DHX15: variants seen among roughly 807,000 people sequenced by gnomAD.
The protein encoded by DHX15 is ATP-dependent RNA helicase DHX15.
In DHX15, 11 loss-of-function variants were observed where a neutral mutation model predicts 94.4. The observed-to-expected ratio is 0.12, with a 90% CI of 0.07 to 0.19. The LOEUF is 0.19. Among genes scored for constraint, DHX15 ranks in the 10% least tolerant of loss-of-function variants. The pLI is 1.00. For synonymous variants in DHX15, 338 were observed against 329.9 expected (o/e 1.02, Z -0.27); for missense variants, 304 against 988.5 (o/e 0.31, Z 9.29).
intron 2 of DHX15, among the ~76,000 whole-genome samples, chr4:24,572,220 AACC>A (rs1266933954): frequency 1.3e-5 from 2 of 152,108 alleles, no homozygotes; most frequent in East Asian, 1.9e-4. Context: ...GGCTCACTGT[AACC>A]ACCAAGGTTC....
chr4:24,532,855 T>G lies in DHX15; in HGVS notation c.2100+9A>C, dbSNP rs776895895. Reference sequence around the variant, plus strand: ...TACTTAGTTATTCATTCCCATATTATCTACATACCTGCATAAAATACCCAG... The same window carrying G: ...TACTTAGTTATTCATTCCCATATTAGCTACATACCTGCATAAAATACCCAG... On this transcript the variant is annotated intron_variant, in intron 12 of 13. Transcript: ENST00000336812. 94 of 1,565,466 alleles carry G rather than the reference T, an allele frequency of 6.0e-5. 1 individual carries two copies. Among genetic ancestry groups the G allele is most frequent in the Non-Finnish European group, 8.1e-5 (93 of 1,150,682 alleles).
chr4:24,571,521 A>G (rs1366452522), intron 2 of DHX15, among the ~76,000 whole-genome samples: 1 of 152,192 alleles, frequency 6.6e-6, no homozygotes, highest in South Asian at 2.1e-4. Context: ...ACGGCAGTAC[A>G]TTTTCCCCCA....
chr4:24,583,484 A>C (rs1260833841), intron 1 of DHX15, among the ~76,000 whole-genome samples: 1 of 151,760 alleles, frequency 6.6e-6, no homozygotes, highest in Admixed American at 6.6e-5. Context: ...AAAAAAAAAA[A>C]CAATGCCTTC....
At position 24,554,820 on chromosome 4, in the gene DHX15, T is replaced by G. The variant is rs1457939751; in HGVS notation, c.985A>C (p.Arg329=). ...VEIFYTPEPE[R]DYLEAAIRTV... The stretch of plus-strand genomic sequence containing the variant: ...CGAATTGCTGCTTCAAGATAATCTC[T>G]CTCTGGTTCTGGAGTATAGAAGATC... Residue 329 remains arginine, a synonymous_variant, in exon 5 of 14, where the codon AGA becomes CGA. Transcript: ENST00000336812. 5 of 1,613,824 alleles carry G rather than the reference T, an allele frequency of 3.1e-6. No individual in the cohort carries two copies. Among genetic ancestry groups the G allele is most frequent in the Non-Finnish European group, 4.2e-6 (5 of 1,179,874 alleles).
intron 3 of DHX15, among the ~76,000 whole-genome samples, chr4:24,570,086 T>G (rs144338424): frequency 6.6e-6 from 1 of 152,224 alleles, no homozygotes; most frequent in African/African-American, 2.4e-5. Flanking sequence ...AAAAAGTTGG[T>G]AGAGTTAAAA....
chr4:24,553,569 T>C (rs1721658085), intron 5 of DHX15, among the ~76,000 whole-genome samples: 1 of 149,212 alleles, frequency 6.7e-6, no homozygotes, highest in South Asian at 2.2e-4. Flanking sequence ...AGGTCAGGAG[T>C]TCGAGACTAG....
chr4:24,563,738 G>A (rs1035412212), intron 3 of DHX15, among the ~76,000 whole-genome samples: 4 of 152,104 alleles, frequency 2.6e-5, no homozygotes, highest in Non-Finnish European at 4.4e-5. Flanking sequence ...TCGTATTTGT[G>A]GAAGCTAGAC....
intron 2 of DHX15, among the ~76,000 whole-genome samples, chr4:24,574,205 C>CAAAAAAAAAAAAAAAAAAAAAAAA (rs61031930): frequency 1.9e-4 from 13 of 68,872 alleles, no homozygotes; most frequent in East Asian, 1.1e-3. Context: ...GACTTTGTCT[C>CAAAAAAAAAAAAAAAAAAAAAAAA]AAAAAAAAAA....
Position 24,527,943 on chromosome 4 carries a change from T to C in DHX15, c.2369A>G (p.Lys790Arg), listed in dbSNP as rs750583373. The change falls in exon 14 of 14, where the codon AAG (lysine) becomes AGG (arginine). Residue 790 changes from lysine to arginine, a missense_variant. Lys to Arg is a conservative substitution (Grantham distance 26). Transcript: ENST00000336812. ...LDRIIAKLQS[K>R]EYSQY is the part of the protein sequence containing the mutation. Reference sequence around the variant, plus strand: ...CTGAATTCAGTACTGTGAATATTCCTTGGATTGAAGTTTGGCAATGATGCG... The same window carrying C: ...CTGAATTCAGTACTGTGAATATTCCCTGGATTGAAGTTTGGCAATGATGCG... 6.2e-7 allele frequency: 1 copy of C among 1,612,736 alleles called. No homozygotes were observed. Among genetic ancestry groups the C allele is most frequent in the Admixed American group, 1.7e-5 (1 of 60,026 alleles).
Position 24,540,922 on chromosome 4 carries a change from A to G in DHX15, c.1512T>C (p.Arg504=). 6.2e-7 allele frequency: 1 copy of G among 1,607,594 alleles called. No individual in the cohort carries two copies. Among genetic ancestry groups the G allele is most frequent in the Non-Finnish European group, 8.5e-7 (1 of 1,175,688 alleles). ...MQDNTYPEIL[R]SNLGSVVLQL... The stretch of plus-strand genomic sequence containing the variant: ...GTAACACAACTGATCCTAAATTAGA[A>G]CGCAAAATCTCAGGATAGGTGTTAT... The change falls in exon 9 of 14, where the codon CGT becomes CGC. Residue 504 remains arginine, a synonymous_variant. Transcript: ENST00000336812.
At chr4:24,544,671 T>C (rs1305709146) in intron 6 of DHX15, among the ~76,000 whole-genome samples, 4 of 152,196 alleles carry the variant, frequency 2.6e-5, no homozygotes, top group African/African-American at 9.7e-5. Context: ...CTGGCAGACC[T>C]AGCAATCAAA....
intron 3 of DHX15, among the ~76,000 whole-genome samples, chr4:24,560,105 T>G (rs1017123705): frequency 1.3e-5 from 2 of 152,122 alleles, no homozygotes; most frequent in African/African-American, 4.8e-5. Context: ...ACAAGCCAAC[T>G]GCCAACTATG....
intron 5 of DHX15, among the ~76,000 whole-genome samples, chr4:24,550,237 T>C (rs1161078193): frequency 6.6e-6 from 1 of 151,996 alleles, no homozygotes; most frequent in East Asian, 1.9e-4. Flanking sequence ...GGACATTCTG[T>C]ACAGAACTGT....
chr4:24,558,092 T>C (rs1721778841), intron 3 of DHX15, among the ~76,000 whole-genome samples: 2 of 152,102 alleles, frequency 1.3e-5, no homozygotes, highest in Admixed American at 1.3e-4. Context: ...CATTTCAACA[T>C]GGAATCATAG....
intron 4 of DHX15, 114 bp downstream of exon 4, chr4:24,556,137 G>A: frequency 1.3e-6 from 1 of 796,970 alleles, no homozygotes; most frequent in Non-Finnish European, 1.9e-6. Context: ...GTACTTACTA[G>A]TTCCTTCTTT....
intron 3 of DHX15, among the ~76,000 whole-genome samples, chr4:24,568,350 GTAA>G (rs1442527102): frequency 6.6e-6 from 1 of 152,074 alleles, no homozygotes; most frequent in African/African-American, 2.4e-5. Context: ...CTAACTTATT[GTAA>G]TAATACACTC....
chr4:24,581,752 C>A (rs965269410), intron 1 of DHX15, among the ~76,000 whole-genome samples: 4 of 152,066 alleles, frequency 2.6e-5, no homozygotes, highest in African/African-American at 9.7e-5. Flanking sequence ...CCCCTAACAT[C>A]GAAAACTTTT....
chr4:24,536,445 T>C (rs1038791241), intron 11 of DHX15, among the ~76,000 whole-genome samples: 3 of 152,216 alleles, frequency 2.0e-5, no homozygotes, highest in African/African-American at 7.2e-5. Flanking sequence ...AGACCACAAC[T>C]AACCCCACTC....
chr4:24,583,750 A>C, intron 1 of DHX15, among the ~76,000 whole-genome samples: 1 of 150,310 alleles, frequency 6.7e-6, no homozygotes, highest in Non-Finnish European at 1.5e-5. Context: ...TCCCCCGAGA[A>C]CTCCCTATTT....
Sources: gnomAD v4.1 joint callset for allele counts (sites outside exome capture counted in the v4.1 genomes callset) on GRCh38, gnomAD v4.1.1 for gene constraint, MANE v1.5 for transcripts, NCBI Gene and HGNC (gene_info 2026-07-23, HGNC 2026-07-21) for gene names.